NOSTRIN: variants seen among roughly 807,000 people sequenced by gnomAD.
NOSTRIN encodes nitric oxide synthase trafficking.
In NOSTRIN, 63 loss-of-function variants were observed where a neutral mutation model predicts 59.0. The ratio of observed to expected loss-of-function variants is 1.07; its 90% CI spans 0.87 to 1.32. NOSTRIN has a LOEUF of 1.32. Ranked by LOEUF, NOSTRIN falls within the 40% of genes most tolerant of loss-of-function variation. The probability of loss-of-function intolerance (pLI) is 0.00; values close to 1 mark genes in which losing one functional copy is unlikely to be tolerated. For synonymous variants in NOSTRIN, 200 were observed against 165.4 expected, an observed-to-expected ratio of 1.21 and a Z score of -1.61; for missense variants, 512 against 473.1, an observed-to-expected ratio of 1.08 and a Z score of -0.76.
intron 8 of NOSTRIN, among the ~76,000 whole-genome samples, chr2:168,844,883 A>G (rs1223019809): frequency 1.3e-5 from 2 of 151,138 alleles, no homozygotes; most frequent in Admixed American, 1.3e-4. Context: ...AAGAAAAAAA[A>G]AAAAAGATTC....
intron 8 of NOSTRIN, chr2:168,850,748 A>C: frequency 2.9e-6 from 2 of 690,584 alleles, no homozygotes; most frequent in Non-Finnish European, 4.9e-6. Flanking sequence ...CCCCATCTCT[A>C]CTGAAATTCT....
chr2:168,834,505 GCGCACA>G (rs1186991542), intron 7 of NOSTRIN, among the ~76,000 whole-genome samples, 180 bp downstream of exon 7: 2 of 103,080 alleles, frequency 1.9e-5, no homozygotes, highest in African/African-American at 2.9e-5. Context: ...GCGCGCGCGC[GCGCACA>G]CACACACACA....
At chr2:168,827,827 G>A (rs775601855) in intron 3 of NOSTRIN, among the ~76,000 whole-genome samples, 2 of 151,814 alleles carry the variant, frequency 1.3e-5, no homozygotes, top group Non-Finnish European at 2.9e-5. Context: ...TCCCACCTCA[G>A]CCTCCTAAAG....
chr2:168,823,972 G>A (rs1159697636), intron 2 of NOSTRIN, among the ~76,000 whole-genome samples: 4 of 152,126 alleles, frequency 2.6e-5, no homozygotes, highest in African/African-American at 9.7e-5. Flanking sequence ...CTACTTGAGA[G>A]GCTAAGGCAA....
At chr2:168,797,352 C>T (rs887513121), upstream of NOSTRIN, among the ~76,000 whole-genome samples, 13 of 152,030 alleles carry the variant, frequency 8.6e-5, no homozygotes, top group African/African-American at 3.1e-4. Flanking sequence ...CTGCTACAGC[C>T]TCCCAAAGTA....
Position 168,827,471 on chromosome 2 carries a change from A to G in NOSTRIN, c.198-687A>G, listed in dbSNP as rs113137969. ...TTATCACTTAACTTTTCTGAGTCTC[A>G]GTTTTTTCATATCTATGTGTCCTAT... On this transcript the variant is annotated intron_variant, in intron 3 of 15. Transcript: ENST00000317647. 4.9e-3 allele frequency among the ~76,000 whole-genome samples: 742 copies of G among 152,148 alleles called. 5 individuals are homozygous for G. Among genetic ancestry groups the G allele is most frequent in the African/African-American group, 0.017 (692 of 41,522 alleles).
At chr2:168,791,126 A>C (rs1685339239) in intron 2 of NOSTRIN, among the ~76,000 whole-genome samples, 1 of 152,096 alleles carries the variant, frequency 6.6e-6, no homozygotes, top group Non-Finnish European at 1.5e-5. Flanking sequence ...ATATCTCCTA[A>C]TGCTATCCCT....
chr2:168,790,075 C>T (rs1685309246), intron 2 of NOSTRIN, among the ~76,000 whole-genome samples: 1 of 152,220 alleles, frequency 6.6e-6, no homozygotes, highest in Non-Finnish European at 1.5e-5. Context: ...GTAAAATTTG[C>T]TAATGTTCTA....
intron 7 of NOSTRIN, among the ~76,000 whole-genome samples, chr2:168,840,387 G>T (rs192270916): frequency 6.6e-6 from 1 of 151,900 alleles, no homozygotes; most frequent in Non-Finnish European, 1.5e-5. Flanking sequence ...AAAATTAGCC[G>T]GGCGTGGTGG....
At chr2:168,797,072 CTTTTTTCTTTT>C (rs1454266572), upstream of NOSTRIN, among the ~76,000 whole-genome samples, 12 of 85,360 alleles carry the variant, frequency 1.4e-4, no homozygotes, top group South Asian at 5.5e-4. Flanking sequence ...CTTTCTTTTT[CTTTTTTCTTTT>C]TTTTTTTTTT....
upstream of NOSTRIN, among the ~76,000 whole-genome samples, chr2:168,798,738 C>G (rs1685545265): frequency 6.6e-6 from 1 of 152,084 alleles, no homozygotes; most frequent in African/African-American, 2.4e-5. Flanking sequence ...CAAAAGGACT[C>G]TTTGTGCATT....
intron 2 of NOSTRIN, among the ~76,000 whole-genome samples, chr2:168,791,374 T>C (rs1210379715): frequency 6.6e-6 from 1 of 152,246 alleles, no homozygotes; most frequent in Non-Finnish European, 1.5e-5. Flanking sequence ...TGCCACATTT[T>C]CTTAATCCAG....
intron 2 of NOSTRIN, among the ~76,000 whole-genome samples, chr2:168,818,673 T>G (rs925588604): frequency 8.5e-5 from 13 of 152,218 alleles, no homozygotes; most frequent in Admixed American, 2.6e-4. Context: ...TAATTTATTT[T>G]AAAATCTAAG....
chr2:168,844,150 G>A (rs1688263439), intron 8 of NOSTRIN, among the ~76,000 whole-genome samples: 1 of 152,210 alleles, frequency 6.6e-6, no homozygotes, highest in Admixed American at 6.5e-5. Flanking sequence ...ACTATACTGA[G>A]TTTATATGTG....
intron 7 of NOSTRIN, among the ~76,000 whole-genome samples, chr2:168,840,344 C>T (rs1688002010): frequency 6.6e-6 from 1 of 151,968 alleles, no homozygotes; most frequent in South Asian, 2.1e-4. Flanking sequence ...TCCGGGCTAA[C>T]ATGGTGAAAC....
chr2:168,850,811 T>C (rs1688719029), intron 8 of NOSTRIN: 1 of 774,204 alleles, frequency 1.3e-6, no homozygotes, highest in African/African-American at 1.7e-5. Flanking sequence ...TTTTCTTCTT[T>C]TCTCCCCCTT....
chr2:168,854,642 GAC>G (rs1238682567), intron 10 of NOSTRIN, among the ~76,000 whole-genome samples: 1 of 151,908 alleles, frequency 6.6e-6, no homozygotes, highest in Non-Finnish European at 1.5e-5. Flanking sequence ...TATTGTTCCT[GAC>G]ACATTTCCCA....
intron 2 of NOSTRIN, among the ~76,000 whole-genome samples, chr2:168,816,899 G>A (rs2433681): frequency 0.083 from 12,586 of 152,234 alleles, 585 homozygotes; most frequent in East Asian, 0.13. Context: ...CACTCATAAC[G>A]TTAATGAAGA....
chr2:168,811,284 A>T lies in NOSTRIN; in HGVS notation c.28-283A>T, dbSNP rs77101923. 1,627 of 191,750 alleles carry T rather than the reference A, an allele frequency of 8.5e-3. 27 individuals carry two copies. Among genetic ancestry groups the T allele is most frequent in the African/African-American group, 0.036 (1,523 of 42,882 alleles). 11.9% of individuals were successfully genotyped at this position (191,750 alleles called of 1,614,324 possible). Reference sequence around the variant, plus strand: ...AACAATAGGGGTGACAGGAAACCAGACTCCAAATGCACCCCACTGCTGAAT... The same window carrying T: ...AACAATAGGGGTGACAGGAAACCAGTCTCCAAATGCACCCCACTGCTGAAT... On this transcript the variant is annotated intron_variant, in intron 1 of 15. Coordinates refer to ENST00000317647, the MANE Select transcript of NOSTRIN (RefSeq NM_001039724.4).
Sources: gnomAD v4.1 joint callset for allele counts (sites outside exome capture counted in the v4.1 genomes callset) on GRCh38, gnomAD v4.1.1 for gene constraint, MANE v1.5 for transcripts, NCBI Gene and HGNC (gene_info 2026-07-23, HGNC 2026-07-21) for gene names.